Variants in EAF2 observed in about 807,000 individuals in gnomAD.
EAF2 encodes ELL associated factor 2.
EAF2 carries 29 observed loss-of-function variants against 29.4 expected under a neutral mutation model. The ratio of observed to expected loss-of-function variants is 0.99; its 90% CI spans 0.73 to 1.35. The LOEUF (loss-of-function observed/expected upper bound fraction) is 1.35. Ranked by LOEUF, EAF2 falls within the 40% of genes most tolerant of loss-of-function variation. The pLI, the probability that EAF2 is intolerant of heterozygous loss-of-function variation, is 0.00. For synonymous variants in EAF2, 103 were observed against 102.5 expected, an observed-to-expected ratio of 1.00 and a Z score of -0.03; for missense variants, 292 against 312.0, an observed-to-expected ratio of 0.94 and a Z score of 0.48.
chr3:121,879,850 G>A (rs1403513459), intron 5 of EAF2, among the ~76,000 whole-genome samples: 2 of 151,500 alleles, frequency 1.3e-5, no homozygotes, highest in Non-Finnish European at 2.9e-5. Context: ...TTTTGTTCAG[G>A]GTTGCTTTGG....
chr3:121,884,397 CAGA>C (rs753065231), intron 5 of EAF2, among the ~76,000 whole-genome samples: 6 of 149,808 alleles, frequency 4.0e-5, no homozygotes, highest in Admixed American at 3.3e-4. Flanking sequence ...ACCAGATGCA[CAGA>C]AGAAGTTTTA....
intron 4 of EAF2, among the ~76,000 whole-genome samples, chr3:121,858,250 C>A (rs1159126113): frequency 6.6e-6 from 1 of 152,282 alleles, no homozygotes; most frequent in African/African-American, 2.4e-5. Flanking sequence ...GCCACACAGT[C>A]TTCCGCAATG....
rs750717676 is a variant in EAF2 at position 121,844,525 on chromosome 3, C to G, written c.179C>G (p.Thr60Ser). ...GAGGTTGGTGAAGGTGAACAGGTGA[C>G]CATAACTCTGCCAAATATAGAAGTG... ...YLEVGEGEQV[T>S]ITLPNIEGST... is the part of the protein sequence containing the mutation. The change falls in exon 2 of 6, where the codon ACC becomes AGC. Residue 60 changes from threonine to serine, a missense_variant. Thr to Ser is a moderately conservative substitution (Grantham distance 58). Transcript: ENST00000273668. 143 of 1,607,776 alleles carry G rather than the reference C, an allele frequency of 8.9e-5. No homozygotes were observed. The South Asian group carries it at 1.5e-3, about 17-fold the overall frequency.
At chr3:121,853,841 G>A (rs1708673095) in intron 2 of EAF2, among the ~76,000 whole-genome samples, 1 of 152,088 alleles carries the variant, frequency 6.6e-6, no homozygotes, top group Admixed American at 6.6e-5. Flanking sequence ...AGTATTTTAT[G>A]GATGGCGCAG....
chr3:121,860,424 C>T (rs1708805647), intron 4 of EAF2, among the ~76,000 whole-genome samples: 2 of 152,042 alleles, frequency 1.3e-5, no homozygotes, highest in African/African-American at 2.4e-5. Flanking sequence ...AGGAATTTAT[C>T]CATTTCTTCT....
intron 5 of EAF2, among the ~76,000 whole-genome samples, chr3:121,881,520 A>T (rs2107549663): frequency 6.6e-6 from 1 of 151,830 alleles, no homozygotes; most frequent in Admixed American, 6.6e-5. Context: ...TATTATTATT[A>T]TTTTTTGGAG....
At position 121,872,764 on chromosome 3, in the gene EAF2, A is replaced by G. The variant is rs762774106; in HGVS notation, c.712A>G (p.Ser238Gly). The part of the protein sequence containing the change: ...DASHNRFRDN[S>G]GLLMNTLRND... ...CAGTCATAATAGATTTCGAGACAAC[A>G]GTGGCCTTCTGATGAATACTTTAAG... Residue 238 changes from serine to glycine, a missense_variant, in exon 5 of 6, where the codon AGT becomes GGT. Coordinates refer to ENST00000273668, the MANE Select transcript of EAF2 (RefSeq NM_018456.6). 4 of 1,611,976 alleles carry G rather than the reference A, an allele frequency of 2.5e-6. No individual in the cohort carries two copies. In the African/African-American group the frequency reaches 4.0e-5, roughly 16 times the overall value.
chr3:121,872,633 C>G lies in EAF2; in HGVS notation c.581C>G (p.Ser194Cys), dbSNP rs1341201718. 1 of 1,612,882 alleles carries G rather than the reference C, an allele frequency of 6.2e-7. No homozygotes were observed. The highest frequency in any genetic ancestry group is 8.5e-7 in the Non-Finnish European group (1 of 1,179,180). ...TCATCTTCAAGTAGTGAGGATAGTT[C>G]TAGTGACTCAGAAGATGAAGATTGC... ...SSSSSSSEDS[S>C]SDSEDEDCKS... Residue 194 changes from serine to cysteine, a missense_variant, in exon 5 of 6, where the codon TCT (serine) becomes TGT (cysteine). By Grantham distance (112) the Ser-to-Cys change is moderately radical. Coordinates refer to ENST00000273668, the MANE Select transcript of EAF2 (RefSeq NM_018456.6).
At chr3:121,878,347 C>G (rs1319876431) in intron 5 of EAF2, among the ~76,000 whole-genome samples, 2 of 152,068 alleles carry the variant, frequency 1.3e-5, no homozygotes, top group Non-Finnish European at 2.9e-5. Context: ...GTGTTGTGAT[C>G]AAGTCTGGAT....
chr3:121,879,642 A>G (rs1314376660), intron 5 of EAF2, among the ~76,000 whole-genome samples: 2 of 142,888 alleles, frequency 1.4e-5, no homozygotes, highest in Non-Finnish European at 3.0e-5. Flanking sequence ...AAGGATAACC[A>G]GTTTCTCAGC....
intron 2 of EAF2, among the ~76,000 whole-genome samples, chr3:121,850,058 A>T (rs1708602918): frequency 6.6e-6 from 1 of 150,528 alleles, no homozygotes; most frequent in African/African-American, 2.4e-5. Context: ...TTGTGTATTC[A>T]TAGAATCTTA....
chr3:121,841,600 C>T (rs917005035), intron 1 of EAF2, among the ~76,000 whole-genome samples: 4 of 136,852 alleles, frequency 2.9e-5, no homozygotes, highest in Non-Finnish European at 4.7e-5. Flanking sequence ...CAGCCAGGCG[C>T]AGTGGCTCAT....
At chr3:121,855,105 G>T (rs185145711) in intron 3 of EAF2, among the ~76,000 whole-genome samples, 1 of 152,202 alleles carries the variant, frequency 6.6e-6, no homozygotes, top group Non-Finnish European at 1.5e-5. Context: ...CTGGATTGAA[G>T]GAAGCCATTA....
intron 4 of EAF2, among the ~76,000 whole-genome samples, chr3:121,860,713 C>A (rs1708812373): frequency 6.6e-6 from 1 of 152,084 alleles, no homozygotes; most frequent in African/African-American, 2.4e-5. Flanking sequence ...CTTCTGCTAG[C>A]TTTTGAATTT....
Position 121,835,354 on chromosome 3 carries a change from C to G in EAF2, c.69C>G (p.Phe23Leu), listed in dbSNP as rs1180973243. ...GGGTTCTCAAGTTAGGGGAGAGTTT[C>G]GAGAAGCAGCCGCGCTGCGCCTTCC... ...RERVLKLGESFEKQPRCAFHT... is the reference protein window; with the variant it reads ...RERVLKLGESLEKQPRCAFHT... Residue 23 changes from phenylalanine (F) to leucine (L), a missense_variant, in exon 1 of 6, where the codon TTC becomes TTG. Coordinates refer to ENST00000273668, the MANE Select transcript of EAF2 (RefSeq NM_018456.6). 1 of 1,613,988 alleles carries G rather than the reference C, an allele frequency of 6.2e-7. No individual in the cohort carries two copies. The highest frequency in any genetic ancestry group is 8.5e-7 in the Non-Finnish European group (1 of 1,179,972).
At chr3:121,880,455 GGTGTGTGTGTGTGTGT>G (rs58834177) in intron 5 of EAF2, among the ~76,000 whole-genome samples, 4 of 143,070 alleles carry the variant, frequency 2.8e-5, no homozygotes, top group Admixed American at 6.9e-5. Flanking sequence ...AGTGTTTTGG[GGTGTGTGTGTGTGTGT>G]GTGTGTGTGT....
intron 4 of EAF2, among the ~76,000 whole-genome samples, chr3:121,862,663 C>G (rs1002738295): frequency 5.9e-5 from 9 of 152,220 alleles, no homozygotes; most frequent in Admixed American, 2.0e-4. Flanking sequence ...TTGTCTGAAG[C>G]CTTCTTCTCT....
At chr3:121,854,544 G>T in intron 2 of EAF2, 143 bp from the exon 3 acceptor site, 1 of 563,072 alleles carries the variant, frequency 1.8e-6, no homozygotes, top group Non-Finnish European at 2.9e-6. Context: ...ACACTCTTTG[G>T]ATTCAGGGTA....
At chr3:121,840,805 CAAAAAAA>C (rs5852282) in intron 1 of EAF2, among the ~76,000 whole-genome samples, 1 of 86,890 alleles carries the variant, frequency 1.2e-5, no homozygotes, top group Non-Finnish European at 2.1e-5. Flanking sequence ...GACTCCGTCT[CAAAAAAA>C]AAAAAAAAAA....
Sources: gnomAD v4.1 joint callset for allele counts (sites outside exome capture counted in the v4.1 genomes callset) on GRCh38, gnomAD v4.1.1 for gene constraint, MANE v1.5 for transcripts, NCBI Gene and HGNC (gene_info 2026-07-23, HGNC 2026-07-21) for gene names.